The following LRFN2 variants were observed in gnomAD, a reference collection of about 807,000 sequenced individuals.
The protein encoded by LRFN2 is leucine rich repeat and fibronectin type III domain containing 2.
A neutral mutation model predicts 37.3 loss-of-function variants in LRFN2; 18 were observed. The ratio of observed to expected loss-of-function variants is 0.48; its 90% CI spans 0.33 to 0.72. LRFN2 has a LOEUF of 0.72. LRFN2 is among the 30% of genes least tolerant of loss of function. LRFN2 has a pLI of 0.02. For missense variants in LRFN2, 1,006 were observed against 1,060.7 expected, an observed-to-expected ratio of 0.95 and a Z score of 0.72; for synonymous variants, 556 against 466.6, an observed-to-expected ratio of 1.19 and a Z score of -2.47.
At chr6:40,572,491 G>C (rs1174341746) in intron 1 of LRFN2, among the ~76,000 whole-genome samples, 1 of 152,158 alleles carries the variant, frequency 6.6e-6, no homozygotes, top group Non-Finnish European at 1.5e-5. Flanking sequence ...AAGTTAAAGA[G>C]AAAAAGTACC....
chr6:40,451,471 CAG>C (rs1017906540), intron 1 of LRFN2, among the ~76,000 whole-genome samples: 8 of 152,304 alleles, frequency 5.3e-5, no homozygotes, highest in African/African-American at 1.9e-4. Context: ...AAGAGATAAA[CAG>C]GGGAAGGGAC....
At chr6:40,447,598 G>A (rs1276171336) in intron 1 of LRFN2, among the ~76,000 whole-genome samples, 7 of 152,154 alleles carry the variant, frequency 4.6e-5, no homozygotes, top group South Asian at 2.1e-4. Context: ...TACTTCAAAC[G>A]TAGATGATAT....
At chr6:40,433,152 C>T (rs775017637) in intron 1 of LRFN2, 21 bp from the exon 2 acceptor site, 4 of 1,510,596 alleles carry the variant, frequency 2.6e-6, no homozygotes, top group South Asian at 2.7e-5. Context: ...GAAACACAAG[C>T]TCAGGGTCAG....
At chr6:40,450,876 TCAGA>T (rs1392872142) in intron 1 of LRFN2, among the ~76,000 whole-genome samples, 1 of 152,194 alleles carries the variant, frequency 6.6e-6, no homozygotes, top group Non-Finnish European at 1.5e-5. Flanking sequence ...CTTTGAATGC[TCAGA>T]CAGAGGAGGA....
At chr6:40,475,131 G>A (rs1174802568) in intron 1 of LRFN2, among the ~76,000 whole-genome samples, 1 of 152,172 alleles carries the variant, frequency 6.6e-6, no homozygotes, top group Non-Finnish European at 1.5e-5. Flanking sequence ...TCTCTGAGAT[G>A]GGGCAGAGGA....
At chr6:40,528,871 C>T (rs1207454952) in intron 1 of LRFN2, among the ~76,000 whole-genome samples, 1 of 152,246 alleles carries the variant, frequency 6.6e-6, no homozygotes, top group Non-Finnish European at 1.5e-5. Context: ...TCCAAGAAGC[C>T]TTTTAGATTG....
chr6:40,512,797 G>T (rs188883027), intron 1 of LRFN2, among the ~76,000 whole-genome samples: 401 of 152,320 alleles, frequency 2.6e-3, no homozygotes, highest in African/African-American at 8.9e-3. Flanking sequence ...CTTGGGGAGA[G>T]AAAATCACTG....
rs1289670472 is a variant in LRFN2, at chr6:40,473,453, G to A, written c.-18-40322C>T. On this transcript the variant is annotated intron_variant, in intron 1 of 2. Transcript: ENST00000338305. ...GCCTCCGTTTCCACTCCCAGTCATTGGGGGAAATGGTCATGGCCAACTCTT... is the reference window on the plus strand; with the variant it reads ...GCCTCCGTTTCCACTCCCAGTCATTAGGGGAAATGGTCATGGCCAACTCTT... Among the ~76,000 whole-genome samples the A allele has an allele frequency of 2.6e-5, 4 of 152,174 alleles. No homozygotes were observed. The East Asian group carries it at 5.8e-4, about 22-fold the overall frequency.
intron 1 of LRFN2, among the ~76,000 whole-genome samples, chr6:40,581,153 C>T (rs540497270): frequency 1.2e-4 from 18 of 152,024 alleles, no homozygotes; most frequent in East Asian, 3.9e-4. Context: ...GTCAGGAGCA[C>T]GAAGCAAAGA....
At chr6:40,438,745 C>T (rs531799314) in intron 1 of LRFN2, among the ~76,000 whole-genome samples, 18 of 152,120 alleles carry the variant, frequency 1.2e-4, no homozygotes, top group African/African-American at 3.9e-4. Flanking sequence ...CTGGAAGGGA[C>T]GCTGGCATTC....
intron 1 of LRFN2, among the ~76,000 whole-genome samples, chr6:40,549,575 G>T (rs1467343548): frequency 1.3e-5 from 2 of 152,210 alleles, no homozygotes; most frequent in Admixed American, 6.5e-5. Flanking sequence ...GGTTATTGCT[G>T]TGGCCTATAA....
At chr6:40,522,852 CAT>C in intron 1 of LRFN2, among the ~76,000 whole-genome samples, 1 of 152,344 alleles carries the variant, frequency 6.6e-6, no homozygotes, top group South Asian at 2.1e-4. Flanking sequence ...GAGCCTGTGT[CAT>C]GTTTGTGACT....
At chr6:40,448,075 G>C (rs558052305) in intron 1 of LRFN2, among the ~76,000 whole-genome samples, 3 of 152,184 alleles carry the variant, frequency 2.0e-5, no homozygotes, top group Non-Finnish European at 4.4e-5. Context: ...CTAGTGTTAG[G>C]GCAATAGCCT....
At chr6:40,526,713 C>G (rs1766261657) in intron 1 of LRFN2, among the ~76,000 whole-genome samples, 1 of 152,212 alleles carries the variant, frequency 6.6e-6, no homozygotes, top group East Asian at 1.9e-4. Context: ...CATCCGGTCC[C>G]TCCCCACTCA....
At chr6:40,444,274 G>T (rs1763912708) in intron 1 of LRFN2, among the ~76,000 whole-genome samples, 1 of 152,116 alleles carries the variant, frequency 6.6e-6, no homozygotes, top group African/African-American at 2.4e-5. Context: ...AGGGAAAGAA[G>T]GGGGAAAAGG....
rs1767410571 is a variant in LRFN2 at position 40,581,842 on chromosome 6, G to T, written c.-19+5099C>A. Among the ~76,000 whole-genome samples the T allele has an allele frequency of 2.6e-5, 4 of 152,148 alleles. No homozygotes were observed. In the South Asian group the frequency reaches 8.3e-4, roughly 32 times the overall value. On this transcript the variant is annotated intron_variant, in intron 1 of 2. Transcript: ENST00000338305. ...CAGGCTGAGTGGCCACATTTCATAT[G>T]TTTTGGGGACCAGAGAGAGTCATGT...
At chr6:40,568,691 CCTTCCTT>C (rs1561910970) in intron 1 of LRFN2, among the ~76,000 whole-genome samples, 115 of 123,060 alleles carry the variant, frequency 9.3e-4, no homozygotes, top group African/African-American at 3.3e-3. Flanking sequence ...CCATTTCCTT[CCTTCCTT>C]CCTTCCTTCC....
In LRFN2 at chr6:40,506,239, GTGTCATGGAACC is replaced by G. The variant is rs201266684; in HGVS notation, c.-18-73120_-18-73109del. 9.2e-3 allele frequency among the ~76,000 whole-genome samples: 1,403 copies of G among 152,254 alleles called. 16 individuals carry two copies. Among genetic ancestry groups the G allele is most frequent in the African/African-American group, 0.031 (1,287 of 41,538 alleles). ...GCTTCCCTCCCTCTTAGAATAAGCC[GTGTCATGGAACC>G]TGGCAGTCCCACCACAAGTCATCAG... is the stretch of plus-strand genomic sequence containing the variant. On this transcript the variant is annotated intron_variant, in intron 1 of 2. Coordinates refer to ENST00000338305, the MANE Select transcript of LRFN2 (RefSeq NM_020737.3).
At chr6:40,553,396 A>T (rs1308779981) in intron 1 of LRFN2, among the ~76,000 whole-genome samples, 1 of 152,244 alleles carries the variant, frequency 6.6e-6, no homozygotes, top group African/African-American at 2.4e-5. Flanking sequence ...AGGGAAACTG[A>T]GTCACGTCAA....
Sources: allele counts gnomAD v4.1 joint callset (sites outside exome capture counted in the v4.1 genomes callset), GRCh38; gene constraint gnomAD v4.1.1; transcripts MANE v1.5; gene names NCBI Gene and HGNC (gene_info 2026-07-23, HGNC 2026-07-21).